The following ELOVL6 variants were observed in gnomAD, a reference collection of about 807,000 sequenced individuals.
The protein encoded by ELOVL6 is ELOVL fatty acid elongase 6.
ELOVL6 carries 8 observed loss-of-function variants against 31.7 expected under a neutral mutation model. That is an observed-to-expected ratio of 0.25 (90% CI 0.15 to 0.45). The LOEUF is 0.45. Ranked by LOEUF, ELOVL6 falls within the 20% of genes least tolerant of loss-of-function variation. The pLI, the probability that ELOVL6 is intolerant of heterozygous loss-of-function variation, is 1.00. For missense variants in ELOVL6, 126 were observed against 326.4 expected (o/e 0.39, Z 4.73); for synonymous variants, 101 against 117.7 (o/e 0.86, Z 0.92).
chr4:110,093,029 C>A, intron 2 of ELOVL6: 1 of 403,660 alleles, frequency 2.5e-6, no homozygotes, highest in Admixed American at 3.3e-5. Context: ...ATATTTCAAC[C>A]AAGTTTCAAA....
intron 2 of ELOVL6, among the ~76,000 whole-genome samples, chr4:110,077,026 C>G (rs979219011): frequency 6.6e-6 from 1 of 152,164 alleles, no homozygotes; most frequent in Non-Finnish European, 1.5e-5. Flanking sequence ...AAGGCCGCAG[C>G]GAGGCTGGGA....
At chr4:110,119,444 C>T (rs567324407) in intron 1 of ELOVL6, among the ~76,000 whole-genome samples, 4 of 152,316 alleles carry the variant, frequency 2.6e-5, no homozygotes, top group Admixed American at 6.5e-5. Flanking sequence ...CCCTAATTAA[C>T]ATGTTGCAAG....
intron 1 of ELOVL6, among the ~76,000 whole-genome samples, chr4:110,165,315 T>C (rs558692745): frequency 2.0e-5 from 3 of 152,280 alleles, no homozygotes; most frequent in Admixed American, 6.5e-5. Context: ...AGGAGGCCCT[T>C]CCACCATTAT....
chr4:110,188,120 A>T lies in ELOVL6; in HGVS notation c.89+10127T>A, dbSNP rs1394834276. 2.0e-5 allele frequency among the ~76,000 whole-genome samples: 3 copies of T among 152,212 alleles called. No homozygotes were observed. In the East Asian group the frequency reaches 5.8e-4, roughly 29 times the overall value. On this transcript the variant is annotated intron_variant, in intron 1 of 3. Coordinates refer to ENST00000302274, the MANE Select transcript of ELOVL6 (RefSeq NM_024090.3). The stretch of plus-strand genomic sequence containing the variant: ...TGGCTATTTACAAGTAGCTACACTA[A>T]AACCTGCTGGGAAGAAAGTCTGGCT...
At chr4:110,121,590 T>G (rs1040199316) in intron 1 of ELOVL6, among the ~76,000 whole-genome samples, 2 of 152,222 alleles carry the variant, frequency 1.3e-5, no homozygotes, top group African/African-American at 4.8e-5. Flanking sequence ...TCCCAGCTAC[T>G]CGGGAGGCTG....
At chr4:110,081,346 T>C (rs1755840955) in intron 2 of ELOVL6, among the ~76,000 whole-genome samples, 1 of 152,060 alleles carries the variant, frequency 6.6e-6, no homozygotes, top group African/African-American at 2.4e-5. Flanking sequence ...CAAACTATAC[T>C]ACAAGGCTAC....
intron 3 of ELOVL6, among the ~76,000 whole-genome samples, chr4:110,054,580 A>G (rs1455523178): frequency 6.6e-6 from 1 of 152,214 alleles, no homozygotes; most frequent in African/African-American, 2.4e-5. Context: ...AATTCCAAAC[A>G]CATTATAATA....
intron 2 of ELOVL6, among the ~76,000 whole-genome samples, chr4:110,078,718 A>G (rs1313134416): frequency 2.0e-5 from 3 of 152,138 alleles, no homozygotes; most frequent in Non-Finnish European, 2.9e-5. Flanking sequence ...CATAATGACA[A>G]GATCAAATTC....
chr4:110,149,574 A>G (rs1312549326), intron 1 of ELOVL6, among the ~76,000 whole-genome samples: 2 of 152,222 alleles, frequency 1.3e-5, no homozygotes, highest in African/African-American at 4.8e-5. Context: ...AATAATTTGT[A>G]CAGAAGAAGC....
Position 110,084,210 on chromosome 4 carries a change from A to ACTTATATGATATATATAT in ELOVL6, c.221+21286_221+21287insATATATATATCATATAAG, listed in dbSNP as rs1560814562. On this transcript the variant is annotated intron_variant, in intron 2 of 3. Transcript: ENST00000302274. Reference sequence around the variant, plus strand: ...ACATATAACTTATATGATATATATAACATATAACTTATATGATATATATAA... The same window carrying ACTTATATGATATATATAT: ...ACATATAACTTATATGATATATATAACTTATATGATATATATATCATATAACTTATATGATATATATAA... Among the ~76,000 whole-genome samples the ACTTATATGATATATATAT allele has an allele frequency of 3.8e-3, 262 of 69,280 alleles. 22 individuals are homozygous for ACTTATATGATATATATAT. Among genetic ancestry groups the ACTTATATGATATATATAT allele is most frequent in the African/African-American group, 0.021 (250 of 12,100 alleles). 45.5% of individuals were successfully genotyped at this position (69,280 alleles called of 152,430 possible). A position where few individuals can be genotyped will look rare whatever the true frequency, so the allele number is the denominator to read the frequency against.
intron 1 of ELOVL6, among the ~76,000 whole-genome samples, chr4:110,169,255 T>TTTTTG: frequency 6.6e-6 from 1 of 151,054 alleles, no homozygotes. Flanking sequence ...TTTTTTTTTT[T>TTTTTG]TGAGACGGAG....
At chr4:110,199,164 A>G (rs1048044513), upstream of ELOVL6, 2 of 151,648 alleles carry the variant, frequency 1.3e-5, no homozygotes, top group African/African-American at 4.9e-5. Context: ...GTGTGAGGAT[A>G]GTGGATAGGC....
chr4:110,073,421 TG>T (rs1336871904), intron 2 of ELOVL6, among the ~76,000 whole-genome samples: 2 of 152,214 alleles, frequency 1.3e-5, no homozygotes, highest in East Asian at 3.8e-4. Context: ...GTTGTGCCTG[TG>T]GAATAACCTT....
chr4:110,111,375 G>C (rs1757031067), intron 1 of ELOVL6, among the ~76,000 whole-genome samples: 1 of 129,858 alleles, frequency 7.7e-6, no homozygotes, highest in South Asian at 2.4e-4. Flanking sequence ...TTTTTCAGTA[G>C]CTGATGAAAA....
rs1406896617 is a variant in ELOVL6, at chr4:110,083,992, TATAAC to T, written c.221+21500_221+21504del. 1.3e-3 allele frequency among the ~76,000 whole-genome samples: 151 copies of T among 115,680 alleles called. 8 individuals are homozygous for T. The highest frequency in any genetic ancestry group is 6.2e-3 in the Middle Eastern group (1 of 162). 75.9% of individuals were successfully genotyped at this position (115,680 alleles called of 152,430 possible). On this transcript the variant is annotated intron_variant, in intron 2 of 3. Coordinates refer to ENST00000302274, the MANE Select transcript of ELOVL6 (RefSeq NM_024090.3). ...GATATAACATATGCCATATACGATATATAACATATGCCATATATGGTATATAACAT... is the reference window on the plus strand; with the variant it reads ...GATATAACATATGCCATATACGATATATATGCCATATATGGTATATAACAT...
Position 110,110,203 on chromosome 4 carries a change from A to G in ELOVL6, c.90-4575T>C, listed in dbSNP as rs1034169123. On this transcript the variant is annotated intron_variant, in intron 1 of 3. Coordinates refer to ENST00000302274, the MANE Select transcript of ELOVL6 (RefSeq NM_024090.3). Reference sequence around the variant, plus strand: ...GGACCCAGAGACTAGAGGAAATAACACTACTTTTTGCCAATATGACATTTA... The same window carrying G: ...GGACCCAGAGACTAGAGGAAATAACGCTACTTTTTGCCAATATGACATTTA... 1.3e-5 allele frequency among the ~76,000 whole-genome samples: 2 copies of G among 152,084 alleles called. 1 individual carries two copies. The highest frequency in any genetic ancestry group is 4.2e-4 in the South Asian group (2 of 4,814).
At chr4:110,072,925 A>T (rs916180048) in intron 2 of ELOVL6, among the ~76,000 whole-genome samples, 1 of 152,186 alleles carries the variant, frequency 6.6e-6, no homozygotes, top group Non-Finnish European at 1.5e-5. Flanking sequence ...CCTGGCCCCA[A>T]TTTAATCACG....
At chr4:110,098,384 T>C (rs774523382) in intron 2 of ELOVL6, among the ~76,000 whole-genome samples, 1 of 152,192 alleles carries the variant, frequency 6.6e-6, no homozygotes, top group Non-Finnish European at 1.5e-5. Context: ...CTCTTTCTTT[T>C]AACAAACCAA....
At chr4:110,067,557 G>A (rs1003578295) in intron 2 of ELOVL6, among the ~76,000 whole-genome samples, 3 of 152,084 alleles carry the variant, frequency 2.0e-5, no homozygotes, top group Non-Finnish European at 4.4e-5. Context: ...TTCTTCACAC[G>A]GTAGCAGAAA....
Sources: gnomAD v4.1 joint callset for allele counts (sites outside exome capture counted in the v4.1 genomes callset) on GRCh38, gnomAD v4.1.1 for gene constraint, MANE v1.5 for transcripts, NCBI Gene and HGNC (gene_info 2026-07-23, HGNC 2026-07-21) for gene names.